The following MYRIP variants were observed in gnomAD, a reference collection of about 807,000 sequenced individuals.
MYRIP encodes myosin VIIA and Rab interacting protein.
Under a neutral mutation model 98.0 loss-of-function variants are expected in MYRIP, and 49 were observed. The observed-to-expected ratio is 0.50, with a 90% CI of 0.40 to 0.63. MYRIP has a LOEUF of 0.63. Among genes scored for constraint, MYRIP ranks in the 30% least tolerant of loss-of-function variants. MYRIP has a pLI of 0.00. For missense variants in MYRIP, 1,004 were observed against 1,058.2 expected, an observed-to-expected ratio of 0.95 and a Z score of 0.71; for synonymous variants, 404 against 409.5, an observed-to-expected ratio of 0.99 and a Z score of 0.16.
chr3:40,120,422 G>C (rs1167156609), intron 3 of MYRIP, among the ~76,000 whole-genome samples: 3 of 152,170 alleles, frequency 2.0e-5, no homozygotes, highest in Non-Finnish European at 4.4e-5. Flanking sequence ...ACATAATTTT[G>C]ATATGAATAT....
intron 1 of MYRIP, among the ~76,000 whole-genome samples, chr3:39,889,697 A>G (rs1217945201): frequency 6.6e-6 from 1 of 152,074 alleles, no homozygotes; most frequent in Non-Finnish European, 1.5e-5. Flanking sequence ...AAAAAAAGAC[A>G]ATTTTTTCCT....
chr3:40,144,901 G>C (rs1394674944), intron 3 of MYRIP, among the ~76,000 whole-genome samples: 1 of 152,140 alleles, frequency 6.6e-6, no homozygotes, highest in African/African-American at 2.4e-5. Context: ...TTTAATCTCT[G>C]CTCGAGTTTG....
intron 1 of MYRIP, among the ~76,000 whole-genome samples, chr3:39,850,071 A>C (rs1158973394): frequency 2.0e-5 from 3 of 152,162 alleles, no homozygotes; most frequent in Non-Finnish European, 4.4e-5. Flanking sequence ...GGTGTCAGAG[A>C]GTATGAGTGT....
intron 3 of MYRIP, among the ~76,000 whole-genome samples, chr3:40,121,329 C>T (rs2125911154): frequency 6.6e-6 from 1 of 152,320 alleles, no homozygotes; most frequent in South Asian, 2.1e-4. Flanking sequence ...CCTATTAATA[C>T]AGGACCCTGT....
At chr3:40,180,796 T>A (rs1467742261) in intron 8 of MYRIP, among the ~76,000 whole-genome samples, 1 of 152,236 alleles carries the variant, frequency 6.6e-6, no homozygotes. Context: ...CCCCAAGGTT[T>A]CGTGGGGAAA....
chr3:39,890,399 A>C (rs1220647585), intron 1 of MYRIP, among the ~76,000 whole-genome samples: 3 of 151,968 alleles, frequency 2.0e-5, no homozygotes, highest in Non-Finnish European at 4.4e-5. Context: ...GTCATTTATC[A>C]TTAAGTTTTT....
intron 2 of MYRIP, among the ~76,000 whole-genome samples, chr3:39,929,548 A>G (rs1478697906): frequency 6.6e-6 from 1 of 152,118 alleles, no homozygotes; most frequent in African/African-American, 2.4e-5. Flanking sequence ...AATGGAACAT[A>G]ATAGAATGCA....
chr3:40,224,501 G>A (rs920138221), intron 11 of MYRIP, among the ~76,000 whole-genome samples: 1 of 151,884 alleles, frequency 6.6e-6, no homozygotes, highest in African/African-American at 2.4e-5. Context: ...TGCCAGAGTA[G>A]GTTTGGTCAA....
intron 3 of MYRIP, among the ~76,000 whole-genome samples, chr3:40,064,369 C>G (rs926080367): frequency 6.6e-6 from 1 of 151,884 alleles, no homozygotes; most frequent in African/African-American, 2.4e-5. Context: ...GAAAAAAAAA[C>G]CTTGCTCTCT....
intron 11 of MYRIP, among the ~76,000 whole-genome samples, chr3:40,219,299 T>C (rs1952248007): frequency 6.6e-6 from 1 of 152,180 alleles, no homozygotes; most frequent in African/African-American, 2.4e-5. Flanking sequence ...AAATATATGA[T>C]TGCATAAATA....
rs758976423 is a variant in MYRIP, at chr3:40,189,963, G to A, written c.1165G>A (p.Ala389Thr). 1 of 1,614,122 alleles carries A rather than the reference G, an allele frequency of 6.2e-7. No homozygotes were observed. Among genetic ancestry groups the A allele is most frequent in the Non-Finnish European group, 8.5e-7 (1 of 1,180,016 alleles). ...ALEVASSVAS[A>T]YDEMGSDSEE... ...GGAGGTGGCCTCCAGTGTGGCATCT[G>A]CCTACGATGAGATGGGCTCCGATAG... is the stretch of plus-strand genomic sequence containing the variant. Residue 389 changes from alanine to threonine, a missense_variant, in exon 10 of 17, where the codon GCC (alanine) becomes ACC (threonine). Physicochemically the swap from Ala to Thr is moderately conservative, Grantham distance 58. Around this residue, in one of 3 missense-constraint regions of MYRIP, gnomAD observed 880 missense variants for 907.7 expected, o/e 0.97. Coordinates refer to ENST00000302541, the MANE Select transcript of MYRIP (RefSeq NM_015460.4).
intron 2 of MYRIP, among the ~76,000 whole-genome samples, chr3:39,927,001 C>A (rs907291860): frequency 6.6e-6 from 1 of 152,004 alleles, no homozygotes; most frequent in African/African-American, 2.4e-5. Context: ...TCTGTAAATT[C>A]TTTCAGCAGG....
Position 40,190,350 on chromosome 3 carries a change from C to G in MYRIP, c.1552C>G (p.His518Asp). ...SDSSEPEEAPHTTDRRARRWR... is the reference protein window; with the variant it reads ...SDSSEPEEAPDTTDRRARRWR... ...CAGCAGCGAGCCGGAGGAGGCCCCC[C>G]ACACCACAGACCGGCGGGCCAGGAG... Residue 518 changes from histidine to aspartate, a missense_variant, in exon 10 of 17, where the codon CAC becomes GAC. Physicochemically the swap from His to Asp is moderately conservative, Grantham distance 81 (BLOSUM62 -1). Around this residue, in one of 3 missense-constraint regions of MYRIP, gnomAD observed 880 missense variants for 907.7 expected, o/e 0.97. Transcript: ENST00000302541. 6.2e-7 allele frequency: 1 copy of G among 1,613,964 alleles called. No individual in the cohort carries two copies. Among genetic ancestry groups the G allele is most frequent in the Non-Finnish European group, 8.5e-7 (1 of 1,179,944 alleles).
chr3:39,839,279 C>T (rs115995885), intron 1 of MYRIP, among the ~76,000 whole-genome samples: 1,930 of 150,242 alleles, frequency 0.013, 45 homozygotes, highest in African/African-American at 0.044. Context: ...TTTCTTAAGA[C>T]GGAGTCTCAC....
chr3:40,126,476 A>G (rs965138933), intron 3 of MYRIP, among the ~76,000 whole-genome samples: 2 of 152,226 alleles, frequency 1.3e-5, no homozygotes, highest in Non-Finnish European at 2.9e-5. Context: ...GGATTAAACA[A>G]TGATGTTGAT....
chr3:40,081,294 T>G (rs1325874797), intron 3 of MYRIP, among the ~76,000 whole-genome samples: 4 of 152,182 alleles, frequency 2.6e-5, no homozygotes, highest in Non-Finnish European at 1.5e-5. Flanking sequence ...TCTTCCTCAA[T>G]TTTTGACTGC....
intron 2 of MYRIP, among the ~76,000 whole-genome samples, chr3:40,036,471 A>C (rs1200946598): frequency 6.6e-6 from 1 of 152,048 alleles, no homozygotes; most frequent in Non-Finnish European, 1.5e-5. Flanking sequence ...TAACAGAAGG[A>C]AAATCAGATG....
chr3:40,002,885 T>G (rs1946550598), intron 2 of MYRIP, among the ~76,000 whole-genome samples: 1 of 152,042 alleles, frequency 6.6e-6, no homozygotes. Flanking sequence ...TATATCTCTC[T>G]AAAGCTTTAG....
chr3:40,053,965 C>G (rs779838659), intron 3 of MYRIP, among the ~76,000 whole-genome samples: 1 of 152,182 alleles, frequency 6.6e-6, no homozygotes, highest in Admixed American at 6.5e-5. Context: ...AGCCCCAACA[C>G]AGCATAGTGG....
Sources: gnomAD v4.1 joint callset for allele counts (sites outside exome capture counted in the v4.1 genomes callset) on GRCh38, gnomAD v4.1.1 for gene constraint, gnomAD v4.1.1 regional missense constraint, MANE v1.5 for transcripts, NCBI Gene and HGNC (gene_info 2026-07-23, HGNC 2026-07-21) for gene names.